The following RNLS variants were observed in gnomAD, a reference collection of about 807,000 sequenced individuals.
The protein encoded by RNLS is renalase, FAD dependent amine oxidase, also known as renalase.
A neutral mutation model predicts 39.8 loss-of-function variants in RNLS; 39 were observed. That is an observed-to-expected ratio of 0.98 (90% CI 0.76 to 1.28). The LOEUF is 1.28. RNLS is among the 50% of genes most tolerant of loss of function. The pLI is 0.00. For missense variants in RNLS, 410 were observed against 413.3 expected, an observed-to-expected ratio of 0.99 and a Z score of 0.07; for synonymous variants, 147 against 150.7, an observed-to-expected ratio of 0.98 and a Z score of 0.18.
At chr10:88,431,447 A>G (rs553887450) in intron 4 of RNLS, among the ~76,000 whole-genome samples, 3 of 151,564 alleles carry the variant, frequency 2.0e-5, no homozygotes, top group Non-Finnish European at 4.4e-5. Context: ...TTGTTTTTCT[A>G]TTGTTTTTCT....
chr10:88,324,037 A>G (rs142013858), intron 5 of RNLS, among the ~76,000 whole-genome samples: 1 of 152,182 alleles, frequency 6.6e-6, no homozygotes, highest in African/African-American at 2.4e-5. Context: ...ATGAGTTACC[A>G]TCTCACACCA....
intron 4 of RNLS, among the ~76,000 whole-genome samples, chr10:88,548,238 G>A (rs1213877918): frequency 2.1e-4 from 20 of 93,208 alleles, no homozygotes; most frequent in Non-Finnish European, 2.9e-4. Flanking sequence ...CTCCAGCCTG[G>A]GCGACAGAGC....
intron 4 of RNLS, among the ~76,000 whole-genome samples, chr10:88,418,668 C>G (rs1198544565): frequency 2.6e-5 from 4 of 152,138 alleles, no homozygotes; most frequent in Non-Finnish European, 5.9e-5. Flanking sequence ...TCTCTATTAG[C>G]AGAGTTCTCA....
At chr10:88,298,795 TG>T (rs757616871) in intron 6 of RNLS, among the ~76,000 whole-genome samples, 4 of 152,158 alleles carry the variant, frequency 2.6e-5, no homozygotes, top group Non-Finnish European at 5.9e-5. Context: ...TTTTCAAGAT[TG>T]TTTTGGCTAT....
intron 5 of RNLS, among the ~76,000 whole-genome samples, chr10:88,346,711 A>G (rs1156300441): frequency 6.6e-6 from 1 of 152,174 alleles, no homozygotes; most frequent in African/African-American, 2.4e-5. Flanking sequence ...GGCTCAGCAA[A>G]TATTTATCAA....
intron 6 of RNLS, among the ~76,000 whole-genome samples, chr10:88,306,013 G>C (rs937394225): frequency 6.6e-6 from 1 of 152,132 alleles, no homozygotes; most frequent in African/African-American, 2.4e-5. Context: ...TAGAAATCAA[G>C]ACTAAGACAT....
chr10:88,425,785 G>GA (rs1411817750), intron 4 of RNLS, among the ~76,000 whole-genome samples: 1 of 152,006 alleles, frequency 6.6e-6, no homozygotes, highest in Admixed American at 6.6e-5. Flanking sequence ...TTAGGGTAGA[G>GA]AAAAAAACGT....
At chr10:88,335,108 A>G (rs910496203) in intron 5 of RNLS, among the ~76,000 whole-genome samples, 1 of 152,218 alleles carries the variant, frequency 6.6e-6, no homozygotes, top group African/African-American at 2.4e-5. Context: ...TACTTTCATC[A>G]CATTTAGCAG....
intron 5 of RNLS, among the ~76,000 whole-genome samples, chr10:88,348,100 CTG>C (rs1848433536): frequency 6.6e-6 from 1 of 152,156 alleles, no homozygotes; most frequent in Non-Finnish European, 1.5e-5. Flanking sequence ...GGTTTTCCCT[CTG>C]TCTTTACATT....
chr10:88,234,867 G>T, the RNLS span, among the ~76,000 whole-genome samples: 7 of 152,298 alleles, frequency 4.6e-5, no homozygotes, highest in South Asian at 2.1e-4. Flanking sequence ...GGAGGAGGTG[G>T]TGTTCAAGAT....
At chr10:88,435,612 G>A in intron 4 of RNLS, among the ~76,000 whole-genome samples, 1 of 152,112 alleles carries the variant, frequency 6.6e-6, no homozygotes, top group East Asian at 1.9e-4. Context: ...AATGCATCTG[G>A]AATTAGAAGT....
Position 88,405,172 on chromosome 10 carries a change from T to C in RNLS, c.527-42447A>G, listed in dbSNP as rs573105102. 2.0e-5 allele frequency among the ~76,000 whole-genome samples: 3 copies of C among 152,232 alleles called. No individual in the cohort carries two copies. In the South Asian group the frequency reaches 6.2e-4, roughly 32 times the overall value. ...TGAGGATAACCAAATGTTGCATATC[T>C]AGTGATTTACATTCAAATCTCATAG... On this transcript the variant is annotated intron_variant, in intron 4 of 6. Coordinates refer to ENST00000331772, the MANE Select transcript of RNLS (RefSeq NM_001031709.3).
the RNLS span, among the ~76,000 whole-genome samples, chr10:88,263,749 T>C: frequency 2.0e-5 from 3 of 152,186 alleles, no homozygotes; most frequent in African/African-American, 7.2e-5. Flanking sequence ...TTTAGGCAGA[T>C]GATTTAAACT....
rs558387003 is a variant in RNLS, at chr10:88,284,966, C to A, written c.*388G>T. The A allele has an allele frequency of 5.2e-4, 515 of 988,950 alleles. No individual in the cohort carries two copies. The highest frequency in any genetic ancestry group is 5.1e-4 in the Non-Finnish European group (425 of 832,414). The allele number at this position is 988,950 out of a possible 1,614,324, so 61.3% of individuals were successfully genotyped here. ...ACACATCCGAAGACTTAAGATGGGG[C>A]TTTGATAATGTGATTATTCTTTATT... On this transcript the variant is annotated 3_prime_UTR_variant, in exon 7 of 7. Coordinates refer to ENST00000331772, the MANE Select transcript of RNLS (RefSeq NM_001031709.3).
rs769510066 is a variant in RNLS, at chr10:88,314,516, C to T, written c.826G>A (p.Gly276Ser). The T allele has an allele frequency of 6.2e-7, 1 of 1,613,894 alleles. No homozygotes were observed. The highest frequency in any genetic ancestry group is 8.5e-7 in the Non-Finnish European group (1 of 1,179,864). ...VFQQLENILPGLPQPIATKCQ... is the reference protein window; with the variant it reads ...VFQQLENILPSLPQPIATKCQ... ...TTGGTAGCAATTGGCTGAGGCAAAC[C>T]CGGCAAAATGTTTTCCAGCTGCTGG... is the stretch of plus-strand genomic sequence containing the variant. The change falls in exon 6 of 7, where the codon GGT becomes AGT. Residue 276 changes from glycine to serine, a missense_variant. Coordinates refer to ENST00000331772, the MANE Select transcript of RNLS (RefSeq NM_001031709.3).
intron 4 of RNLS, among the ~76,000 whole-genome samples, chr10:88,556,335 T>C (rs1199480897): frequency 6.6e-6 from 1 of 152,194 alleles, no homozygotes; most frequent in Non-Finnish European, 1.5e-5. Flanking sequence ...TTGCACCTAC[T>C]GCTCAATGTA....
intron 4 of RNLS, among the ~76,000 whole-genome samples, chr10:88,446,542 G>A (rs982071298): frequency 2.0e-5 from 3 of 152,092 alleles, no homozygotes; most frequent in Non-Finnish European, 4.4e-5. Context: ...TTTTTGAAAT[G>A]ATCAAGAAAA....
intron 4 of RNLS, among the ~76,000 whole-genome samples, chr10:88,382,402 G>A (rs1774970): frequency 0.88 from 133,890 of 152,156 alleles, 59,111 homozygotes; most frequent in Non-Finnish European, 0.91. Context: ...GTAACCAATA[G>A]TCATAGAAAT....
intron 6 of RNLS, among the ~76,000 whole-genome samples, chr10:88,308,361 G>A (rs1465106001): frequency 6.6e-6 from 1 of 152,100 alleles, no homozygotes; most frequent in East Asian, 1.9e-4. Flanking sequence ...TATAGAATAA[G>A]AGAAAATTTT....
Sources: gnomAD v4.1 joint callset for allele counts (sites outside exome capture counted in the v4.1 genomes callset) on GRCh38, gnomAD v4.1.1 for gene constraint, MANE v1.5 for transcripts, NCBI Gene and HGNC (gene_info 2026-07-23, HGNC 2026-07-21) for gene names.